PCNT: variants seen among roughly 807,000 people sequenced by gnomAD.
PCNT encodes pericentrin, also known as kendrin.
A neutral mutation model predicts 380.4 loss-of-function variants in PCNT; 319 were observed. That is an observed-to-expected ratio of 0.84 (90% CI 0.77 to 0.92). PCNT has a LOEUF of 0.92. PCNT is among the 40% of genes least tolerant of loss of function. The pLI is 0.00. For synonymous variants in PCNT, 1,845 were observed against 1,735.2 expected, an observed-to-expected ratio of 1.06 and a Z score of -1.57; for missense variants, 4,400 against 4,255.3, an observed-to-expected ratio of 1.03 and a Z score of -0.95.
Position 46,445,723 on chromosome 21 carries a change from ACAACT to A in PCNT, c.*400_*404del, listed in dbSNP as rs1406623064. 5 of 185,136 alleles carry A rather than the reference ACAACT, an allele frequency of 2.7e-5. No individual in the cohort carries two copies. The Admixed American group carries it at 2.7e-4, about 10-fold the overall frequency. The allele number at this position is 185,136 out of a possible 1,614,324, so 11.5% of individuals were successfully genotyped here. A position where few individuals can be genotyped will look rare whatever the true frequency, so the allele number is the denominator to read the frequency against. On this transcript the variant is annotated 3_prime_UTR_variant, in exon 47 of 47. Transcript: ENST00000359568. ...AACTTCATTTAAAAATAAAAACAAAACAACTCAAAAAGGAATAAAATTTAATCACT... is the reference window on the plus strand; with the variant it reads ...AACTTCATTTAAAAATAAAAACAAAACAAAAAGGAATAAAATTTAATCACT...
chr21:46,354,415 G>T (rs2839220), intron 11 of PCNT, among the ~76,000 whole-genome samples: 1 of 152,118 alleles, frequency 6.6e-6, no homozygotes, highest in Non-Finnish European at 1.5e-5. Flanking sequence ...CACACGGAGC[G>T]TCTGCTGGCT....
At chr21:46,362,735 G>T (rs2084763741) in intron 13 of PCNT, among the ~76,000 whole-genome samples, 1 of 152,032 alleles carries the variant, frequency 6.6e-6, no homozygotes, top group African/African-American at 2.4e-5. Context: ...CTTGAGCTCA[G>T]GAGTTCAAGA....
chr21:46,411,880 T>A lies in PCNT; in HGVS notation c.5807T>A (p.Leu1936Gln). Residue 1936 changes from leucine to glutamine, a missense_variant, in exon 28 of 47, where the codon CTG (leucine) becomes CAG (glutamine). Leu to Gln is a moderately radical substitution (Grantham distance 113, BLOSUM62 -2). Transcript: ENST00000359568. ...CARLSRQLQV[L>Q]HQRFLRCQVE... ...CGCCTCAGCCGCCAGCTGCAGGTGC[T>A]GCACCAGCGGTTCCTGAGGTGCCAG... 1 of 1,572,398 alleles carries A rather than the reference T, an allele frequency of 6.4e-7. No homozygotes were observed. The highest frequency in any genetic ancestry group is 8.6e-7 in the Non-Finnish European group (1 of 1,166,580).
intron 31 of PCNT, among the ~76,000 whole-genome samples, chr21:46,419,360 C>T (rs980752114): frequency 6.6e-6 from 1 of 152,212 alleles, no homozygotes; most frequent in Non-Finnish European, 1.5e-5. Flanking sequence ...CTGCAGCTCC[C>T]TGGGGATGCC....
chr21:46,345,264 A>G lies in PCNT; in HGVS notation c.640-864A>G, dbSNP rs1046854844. Among the ~76,000 whole-genome samples, 8 of 152,014 alleles carry G rather than the reference A, an allele frequency of 5.3e-5. No homozygotes were observed. The East Asian group carries it at 1.4e-3, about 26-fold the overall frequency. ...GTGGAGTCTCGCTCTGTTGCCCAGG[A>G]TGGAGTGCAGTGGTGTGATCTCAGC... On this transcript the variant is annotated intron_variant, in intron 3 of 46. Transcript: ENST00000359568.
At position 46,324,224 on chromosome 21, in the gene PCNT, G is replaced by T; in HGVS notation, c.-5G>T. On this transcript the variant is annotated 5_prime_UTR_variant, in exon 1 of 47. In the 5' UTR this introduces an upstream ATG that the reference lacks. Coordinates refer to ENST00000359568, the MANE Select transcript of PCNT (RefSeq NM_006031.6). Reference sequence around the variant, plus strand: ...GCCGGGCGGCCCGCGCGGAGTCTGAGGGAGATGGAAGTTGAGCAAGAGCAG... The same window carrying T: ...GCCGGGCGGCCCGCGCGGAGTCTGATGGAGATGGAAGTTGAGCAAGAGCAG... The T allele has an allele frequency of 6.2e-7, 1 of 1,610,936 alleles. No homozygotes were observed. Among genetic ancestry groups the T allele is most frequent in the East Asian group, 2.2e-5 (1 of 44,784 alleles).
chr21:46,372,478 T>G (rs542544862), intron 15 of PCNT, among the ~76,000 whole-genome samples: 2 of 152,358 alleles, frequency 1.3e-5, no homozygotes, highest in African/African-American at 4.8e-5. Context: ...CTCCTGCTTC[T>G]GTGTTCTGGG....
rs780709930 is a variant in PCNT at position 46,441,136 on chromosome 21, G to A, written c.9623+52G>A. The stretch of plus-strand genomic sequence containing the variant: ...CGTTCCGCGTCTGTCTCCGTGAGTG[G>A]GCAGCACACTGCATGGTTTTTTGGT... On this transcript the variant is annotated intron_variant, in intron 43 of 46. Coordinates refer to ENST00000359568, the MANE Select transcript of PCNT (RefSeq NM_006031.6). 48 of 1,100,822 alleles carry A rather than the reference G, an allele frequency of 4.4e-5. 1 individual carries two copies. Among genetic ancestry groups the A allele is most frequent in the East Asian group, 3.8e-4 (16 of 42,566 alleles). 68.2% of individuals were successfully genotyped at this position (1,100,822 alleles called of 1,614,324 possible).
In PCNT at chr21:46,435,913, G is replaced by T. The variant is rs763746566; in HGVS notation, c.8761G>T (p.Glu2921Ter). 4 of 1,614,050 alleles carry T rather than the reference G, an allele frequency of 2.5e-6. No homozygotes were observed. The African/African-American group carries it at 5.3e-5, about 22-fold the overall frequency. Residue 2921 changes from glutamate (E) to a stop codon, truncating the protein, a stop_gained, in exon 39 of 47, where the codon GAA becomes TAA. Coordinates refer to ENST00000359568, the MANE Select transcript of PCNT (RefSeq NM_006031.6). LOFTEE classifies it high-confidence loss of function. ...TTTCTGTTAACAACAGCGAGAATTAGAACTGCAGCGTCAGCGTGACTTGCA... is the reference window on the plus strand; with the variant it reads ...TTTCTGTTAACAACAGCGAGAATTATAACTGCAGCGTCAGCGTGACTTGCA... ...QRDKEKLREL[E>*]LQRQRDLHKI...
intron 43 of PCNT, among the ~76,000 whole-genome samples, chr21:46,442,048 G>A (rs756398612): frequency 4.6e-5 from 7 of 152,176 alleles, no homozygotes; most frequent in African/African-American, 9.6e-5. Context: ...ACCATCTGAC[G>A]GACTCCTGCG....
At chr21:46,330,278 T>C (rs1244098291) in intron 2 of PCNT, among the ~76,000 whole-genome samples, 16 of 152,108 alleles carry the variant, frequency 1.1e-4, no homozygotes, top group Admixed American at 1.0e-3. Context: ...CCACCATACC[T>C]GGCTAACTTA....
rs534318238 is a variant in PCNT at position 46,375,230 on chromosome 21, G to A, written c.3166-6464G>A. On this transcript the variant is annotated intron_variant, in intron 15 of 46. Coordinates refer to ENST00000359568, the MANE Select transcript of PCNT (RefSeq NM_006031.6). ...GTGCAGAAGTGAATCGCATGCGGCC[G>A]GTGTGGGATGCTCAAGGCGGTGTCA... Among the ~76,000 whole-genome samples the A allele has an allele frequency of 2.1e-4, 32 of 152,234 alleles. 1 individual carries two copies. The South Asian group carries it at 5.0e-3, about 24-fold the overall frequency.
intron 7 of PCNT, 103 bp downstream of exon 7, chr21:46,349,289 T>C (rs948133817): frequency 1.0e-6 from 1 of 999,280 alleles, no homozygotes; most frequent in Non-Finnish European, 1.6e-6. Flanking sequence ...GCACGTTTCC[T>C]ACCTTCTAAA....
At chr21:46,359,506 T>TTTTTTTTTTTTTTTTTTA (rs1384504010) in intron 13 of PCNT, among the ~76,000 whole-genome samples, 3 of 126,310 alleles carry the variant, frequency 2.4e-5, no homozygotes, top group East Asian at 2.0e-4. Flanking sequence ...TTTTTTTTTT[T>TTTTTTTTTTTTTTTTTTA]TGAGACAGTG....
intron 37 of PCNT, 191 bp from the exon 38 acceptor site, chr21:46,431,338 T>C: frequency 6.9e-7 from 1 of 1,445,124 alleles, no homozygotes; most frequent in Non-Finnish European, 9.1e-7. Context: ...AAGTATGTCA[T>C]CTCCGCAGTC....
intron 44 of PCNT, chr21:46,442,886 C>A: frequency 2.4e-6 from 1 of 408,660 alleles, no homozygotes; most frequent in Non-Finnish European, 4.6e-6. Context: ...AACTGAAACT[C>A]ACTTCACGTC....
rs142800204 is a variant in PCNT, at chr21:46,432,001, C to T, written c.8537C>T (p.Thr2846Met). 1.3e-4 allele frequency: 210 copies of T among 1,613,818 alleles called. No individual in the cohort carries two copies. Among genetic ancestry groups the T allele is most frequent in the South Asian group, 4.5e-4 (41 of 91,082 alleles). Reference protein sequence around the residue: ...EKEVSATLKSTVEALHTQKRE... With the variant: ...EKEVSATLKSMVEALHTQKRE... ...GAGGTAAGTGCCACACTGAAGTCGA[C>T]GGTGGAAGCCCTGCACACCCAAAAA... Residue 2846 changes from threonine to methionine, a missense_variant, in exon 38 of 47, where the codon ACG becomes ATG. Thr to Met is a moderately conservative substitution (Grantham distance 81). Transcript: ENST00000359568.
At chr21:46,444,929 A>G (rs1472916220) in intron 46 of PCNT, 108 bp downstream of exon 46, 2 of 1,022,498 alleles carry the variant, frequency 2.0e-6, no homozygotes, top group Non-Finnish European at 3.1e-6. Flanking sequence ...CCAAAGTTTC[A>G]GTCTGAACAA....
chr21:46,428,964 A>AT (rs1569295675), intron 35 of PCNT, among the ~76,000 whole-genome samples: 3 of 152,140 alleles, frequency 2.0e-5, no homozygotes, highest in African/African-American at 7.2e-5. Flanking sequence ...GTAAGTAACG[A>AT]TTTTTTGTTT....
Sources: allele counts gnomAD v4.1 joint callset (sites outside exome capture counted in the v4.1 genomes callset), GRCh38; gene constraint gnomAD v4.1.1; transcripts MANE v1.5; gene names NCBI Gene and HGNC (gene_info 2026-07-23, HGNC 2026-07-21).